The following FKBP9 variants were observed in gnomAD, a reference collection of about 807,000 sequenced individuals.
FKBP9 encodes the protein FKBP prolyl isomerase 9.
A neutral mutation model predicts 55.6 loss-of-function variants in FKBP9; 27 were observed. That is an observed-to-expected ratio of 0.49 (90% CI 0.36 to 0.67). FKBP9 has a LOEUF of 0.67. Among genes scored for constraint, FKBP9 ranks in the 30% least tolerant of loss-of-function variants. The pLI, the probability that FKBP9 is intolerant of heterozygous loss-of-function variation, is 0.00. For synonymous variants in FKBP9, 267 were observed against 296.5 expected, an observed-to-expected ratio of 0.90 and a Z score of 1.02; for missense variants, 539 against 742.8, an observed-to-expected ratio of 0.73 and a Z score of 3.19.
Position 33,005,494 on chromosome 7 carries a change from A to G in FKBP9, c.*143A>G. On this transcript the variant is annotated 3_prime_UTR_variant, in exon 10 of 10. Coordinates refer to ENST00000242209, the MANE Select transcript of FKBP9 (RefSeq NM_007270.5). ...GGGTCACATAGTACCTGGTGTACAC[A>G]TCGGGGTGGGTTGATATATGGGGTG... is the stretch of plus-strand genomic sequence containing the variant. The G allele has an allele frequency of 1.2e-6, 1 of 831,368 alleles. No homozygotes were observed. Among genetic ancestry groups the G allele is most frequent in the Non-Finnish European group, 1.9e-6 (1 of 531,524 alleles). 51.5% of individuals were successfully genotyped at this position (831,368 alleles called of 1,614,324 possible).
At position 32,976,342 on chromosome 7, in the gene FKBP9, A is replaced by G. The variant is rs747529830; in HGVS notation, c.558-12A>G. ...TGGTGTGGAACTTTTTCCCTTTCTC[A>G]TTACCTTTCAGTCACAATCGCATGA... On this transcript the variant is annotated splice_polypyrimidine_tract_variant and intron_variant, in intron 3 of 9. Transcript: ENST00000242209. The G allele has an allele frequency of 3.1e-6, 5 of 1,613,872 alleles. No individual in the cohort carries two copies. The highest frequency in any genetic ancestry group is 1.7e-6 in the Non-Finnish European group (2 of 1,179,848).
At chr7:32,985,178 C>CT (rs1444286814) in intron 5 of FKBP9, among the ~76,000 whole-genome samples, 1,870 of 111,464 alleles carry the variant, frequency 0.017, 18 homozygotes, top group Non-Finnish European at 0.022. Context: ...TTCTTTCTTT[C>CT]TTTTTTTTTT....
At chr7:32,984,716 TAA>T (rs931197705) in intron 5 of FKBP9, among the ~76,000 whole-genome samples, 24 of 152,340 alleles carry the variant, frequency 1.6e-4, no homozygotes, top group Non-Finnish European at 3.5e-4. Context: ...CTTTCATATT[TAA>T]GTCTTTAATC....
At chr7:32,963,956 G>C (rs1342437477) in intron 1 of FKBP9, among the ~76,000 whole-genome samples, 1 of 152,242 alleles carries the variant, frequency 6.6e-6, no homozygotes, top group Non-Finnish European at 1.5e-5. Context: ...CCTTTCAGCA[G>C]GACTGGTCCA....
intron 9 of FKBP9, among the ~76,000 whole-genome samples, chr7:33,003,604 C>G (rs1409306211): frequency 1.3e-5 from 2 of 152,170 alleles, no homozygotes; most frequent in Non-Finnish European, 2.9e-5. Context: ...CCAGGGTGGC[C>G]AATGTCTTCC....
rs780599483 is a variant in FKBP9, at chr7:32,980,405, G to T, written c.745G>T (p.Ala249Ser). Residue 249 changes from alanine to serine, a missense_variant, in exon 5 of 10, where the codon GCA becomes TCA. Physicochemically the swap from Ala to Ser is moderately conservative, Grantham distance 99. Coordinates refer to ENST00000242209, the MANE Select transcript of FKBP9 (RefSeq NM_007270.5). ...PGQASLVFDV[A>S]LLDLHNPKDS... ...TCAGGCATCTCTGGTGTTTGATGTT[G>T]CATTATTGGACCTCCATAACCCCAA... 2.9e-5 allele frequency: 47 copies of T among 1,613,250 alleles called. No homozygotes were observed. Among genetic ancestry groups the T allele is most frequent in the Non-Finnish European group, 3.8e-5 (45 of 1,179,716 alleles).
chr7:32,958,498 C>CA (rs920341237), intron 1 of FKBP9, among the ~76,000 whole-genome samples: 1 of 152,208 alleles, frequency 6.6e-6, no homozygotes, highest in African/African-American at 2.4e-5. Context: ...TCCTGCCATA[C>CA]AAAAACCTCT....
At chr7:32,998,493 G>C (rs1001165459) in intron 7 of FKBP9, 9 of 152,204 alleles carry the variant, frequency 5.9e-5, no homozygotes, top group African/African-American at 2.2e-4. Flanking sequence ...ACATGAGCCA[G>C]AGCTCCTTAT....
At chr7:32,988,184 A>G (rs1236363485) in intron 5 of FKBP9, among the ~76,000 whole-genome samples, 2 of 152,166 alleles carry the variant, frequency 1.3e-5, no homozygotes, top group African/African-American at 2.4e-5. Flanking sequence ...ACCTTGCCTC[A>G]GAAAAAGAAA....
chr7:32,964,240 C>G (rs1784089268), intron 1 of FKBP9, among the ~76,000 whole-genome samples: 1 of 152,290 alleles, frequency 6.6e-6, no homozygotes, highest in African/African-American at 2.4e-5. Flanking sequence ...GGCCAAGCAC[C>G]CCTGGTGAAG....
intron 4 of FKBP9, among the ~76,000 whole-genome samples, chr7:32,978,119 G>A (rs1056880780): frequency 6.6e-6 from 1 of 151,136 alleles, no homozygotes; most frequent in African/African-American, 2.4e-5. Flanking sequence ...ACAGCATTTC[G>A]CCATGTTGGC....
intron 5 of FKBP9, among the ~76,000 whole-genome samples, chr7:32,985,983 A>G (rs1434204119): frequency 1.3e-5 from 2 of 152,194 alleles, no homozygotes; most frequent in African/African-American, 4.8e-5. Flanking sequence ...ACAGAGTGAG[A>G]CTGTGTCTCA....
At chr7:32,973,606 T>TGTG (rs1583847771) in intron 1 of FKBP9, among the ~76,000 whole-genome samples, 3 of 146,762 alleles carry the variant, frequency 2.0e-5, no homozygotes, top group East Asian at 2.0e-4. Context: ...TGTGTGTGTG[T>TGTG]TAACTTTGGC....
intron 9 of FKBP9, among the ~76,000 whole-genome samples, chr7:33,003,949 C>A (rs1784980591): frequency 6.6e-6 from 1 of 151,876 alleles, no homozygotes; most frequent in Non-Finnish European, 1.5e-5. Flanking sequence ...GCTTGATGTC[C>A]TCATTTATGG....
At chr7:33,003,243 G>C (rs1387251398) in intron 9 of FKBP9, among the ~76,000 whole-genome samples, 3 of 152,150 alleles carry the variant, frequency 2.0e-5, no homozygotes, top group Non-Finnish European at 4.4e-5. Flanking sequence ...GTTTGAGCCA[G>C]GACCACACTC....
chr7:32,972,726 C>T (rs1470235537), intron 1 of FKBP9, among the ~76,000 whole-genome samples: 2 of 151,698 alleles, frequency 1.3e-5, no homozygotes, highest in Admixed American at 6.6e-5. Flanking sequence ...GTTCCCCCCC[C>T]ACCCTTTTTG....
In FKBP9 at chr7:33,005,271, C is replaced by T; in HGVS notation, c.1633C>T (p.Gln545Ter). 1.2e-6 allele frequency: 2 copies of T among 1,614,198 alleles called. No homozygotes were observed. Among genetic ancestry groups the T allele is most frequent in the East Asian group, 2.2e-5 (1 of 44,888 alleles). ...ELIVKNMFTN[Q>*]DRNGDGKVTA... is the part of the protein sequence containing the mutation. ...GATTGTGAAGAATATGTTCACCAAC[C>T]AGGACCGGAATGGAGATGGGAAGGT... Residue 545 changes from glutamine (Q) to a stop codon, truncating the protein, a stop_gained, in exon 10 of 10, where the codon CAG becomes TAG. Coordinates refer to ENST00000242209, the MANE Select transcript of FKBP9 (RefSeq NM_007270.5). LOFTEE classifies it high-confidence loss of function.
At chr7:32,994,922 T>C (rs1784754749) in intron 6 of FKBP9, 1 of 173,320 alleles carries the variant, frequency 5.8e-6, no homozygotes, top group East Asian at 1.0e-4. Flanking sequence ...TGTCATTAGC[T>C]GTGTTATTCT....
At chr7:32,959,584 C>G (rs978481388) in intron 1 of FKBP9, among the ~76,000 whole-genome samples, 2 of 152,116 alleles carry the variant, frequency 1.3e-5, no homozygotes, top group Non-Finnish European at 2.9e-5. Flanking sequence ...AAAAAAGAAA[C>G]GCTGGACCCA....
Sources: gnomAD v4.1 joint callset for allele counts (sites outside exome capture counted in the v4.1 genomes callset) on GRCh38, gnomAD v4.1.1 for gene constraint, MANE v1.5 for transcripts, NCBI Gene and HGNC (gene_info 2026-07-23, HGNC 2026-07-21) for gene names.